The following PLD5 variants were observed in gnomAD, a reference collection of about 807,000 sequenced individuals.
PLD5 encodes phospholipase D family member 5.
Under a neutral mutation model 61.1 loss-of-function variants are expected in PLD5, and 36 were observed. The ratio of observed to expected loss-of-function variants is 0.59; its 90% CI spans 0.45 to 0.78. The LOEUF (loss-of-function observed/expected upper bound fraction) is 0.78, where lower values mean the gene tolerates loss of function less well. Among genes scored for constraint, PLD5 ranks in the 30% least tolerant of loss-of-function variants. The probability of loss-of-function intolerance (pLI) is 0.00; values close to 1 mark genes in which losing one functional copy is unlikely to be tolerated. For missense variants in PLD5, 515 were observed against 644.4 expected, an observed-to-expected ratio of 0.80 and a Z score of 2.17; for synonymous variants, 243 against 242.8, an observed-to-expected ratio of 1.00 and a Z score of -0.01.
intron 1 of PLD5, among the ~76,000 whole-genome samples, chr1:242,499,701 T>A (rs1038283419): frequency 3.3e-5 from 5 of 152,210 alleles, no homozygotes; most frequent in African/African-American, 1.2e-4. Context: ...CAGTTACCCA[T>A]AGCTGTCGAA....
In PLD5 at chr1:242,318,606, T is replaced by A. The variant is rs573696567; in HGVS notation, c.326+29500A>T. On this transcript the variant is annotated intron_variant, in intron 2 of 9. Transcript: ENST00000536534. Reference sequence around the variant, plus strand: ...ATGCCTGCCAAAGGGAAATGTCAAGTGTGCTGGTCAAGAAAAAGGATTTTA... The same window carrying A: ...ATGCCTGCCAAAGGGAAATGTCAAGAGTGCTGGTCAAGAAAAAGGATTTTA... 7.0e-4 allele frequency among the ~76,000 whole-genome samples: 107 copies of A among 152,210 alleles called. 2 individuals carry two copies. The highest frequency in any genetic ancestry group is 6.5e-3 in the Admixed American group (100 of 15,282).
chr1:242,522,040 T>C (rs1475959633), intron 1 of PLD5, among the ~76,000 whole-genome samples: 14 of 152,214 alleles, frequency 9.2e-5, no homozygotes, highest in African/African-American at 2.4e-5. Context: ...ATTAAAAATG[T>C]TCGTGATGTT....
At chr1:242,527,162 G>A (rs1348182866), upstream of PLD5, among the ~76,000 whole-genome samples, 1 of 92,462 alleles carries the variant, frequency 1.1e-5, no homozygotes, top group African/African-American at 4.2e-5. Flanking sequence ...ATGGAGTCTT[G>A]CTCTCTCACC....
At chr1:242,307,089 T>C (rs1558449424) in intron 2 of PLD5, among the ~76,000 whole-genome samples, 1 of 152,202 alleles carries the variant, frequency 6.6e-6, no homozygotes. Context: ...AACCTCTGTC[T>C]GCTAACTGTG....
At chr1:242,144,929 T>C (rs1447551494) in intron 5 of PLD5, among the ~76,000 whole-genome samples, 1 of 152,160 alleles carries the variant, frequency 6.6e-6, no homozygotes, top group Non-Finnish European at 1.5e-5. Context: ...AACAGTGATA[T>C]GAATATTAAT....
At position 242,089,928 on chromosome 1, in the gene PLD5, G is replaced by A. The variant is rs991369111; in HGVS notation, c.1537C>T (p.Leu513=). 1 of 1,614,212 alleles carries A rather than the reference G, an allele frequency of 6.2e-7. No individual in the cohort carries two copies. The highest frequency in any genetic ancestry group is 2.2e-5 in the East Asian group (1 of 44,882). ...QPTKQPNCSS[L]FKLKPLSNKT... ...TTGGAGAGGGGTTTGAGTTTGAACA[G>A]GCTTGAGCAGTTCGGCTGTTTGGTT... The change falls in exon 10 of 10, where the codon CTG becomes TTG. Residue 513 remains leucine, a synonymous_variant. Coordinates refer to ENST00000536534, the MANE Select transcript of PLD5 (RefSeq NM_001372062.1).
In PLD5 at chr1:242,288,327, G is replaced by A. The variant is rs1317395471; in HGVS notation, c.495+35C>T. On this transcript the variant is annotated intron_variant, in intron 3 of 9. Coordinates refer to ENST00000536534, the MANE Select transcript of PLD5 (RefSeq NM_001372062.1). ...ACTAAGGAGTGGAAAATGCACATAAGTAAAATCATCACACACACAGAGGAT... is the reference window on the plus strand; with the variant it reads ...ACTAAGGAGTGGAAAATGCACATAAATAAAATCATCACACACACAGAGGAT... The A allele has an allele frequency of 2.5e-6, 4 of 1,589,102 alleles. No individual in the cohort carries two copies. In the Admixed American group the frequency reaches 6.0e-5, roughly 24 times the overall value.
intron 5 of PLD5, among the ~76,000 whole-genome samples, chr1:242,212,424 T>C (rs1669887809): frequency 6.6e-6 from 1 of 152,140 alleles, no homozygotes; most frequent in Non-Finnish European, 1.5e-5. Flanking sequence ...ATGCGAGCGG[T>C]GGGCAGAAGG....
At chr1:242,302,373 A>G (rs1676105378) in intron 2 of PLD5, among the ~76,000 whole-genome samples, 1 of 152,118 alleles carries the variant, frequency 6.6e-6, no homozygotes, top group Non-Finnish European at 1.5e-5. Flanking sequence ...ATGTATTGTT[A>G]TTTACTGAAG....
At chr1:242,420,924 A>T (rs1176833347) in intron 1 of PLD5, among the ~76,000 whole-genome samples, 2 of 152,162 alleles carry the variant, frequency 1.3e-5, no homozygotes, top group Non-Finnish European at 2.9e-5. Context: ...CACGCCTGTA[A>T]TCCCTTTGGG....
At chr1:242,267,873 C>G (rs1346960123) in intron 3 of PLD5, among the ~76,000 whole-genome samples, 1 of 146,540 alleles carries the variant, frequency 6.8e-6, no homozygotes, top group East Asian at 2.1e-4. Flanking sequence ...ACAGCTAGAC[C>G]CCATCTCCAA....
intron 1 of PLD5, among the ~76,000 whole-genome samples, chr1:242,393,926 G>A (rs996458780): frequency 6.9e-6 from 1 of 144,748 alleles, no homozygotes; most frequent in Non-Finnish European, 1.5e-5. Context: ...TGGGTGTGGG[G>A]GTGCGTGCCT....
intron 5 of PLD5, among the ~76,000 whole-genome samples, chr1:242,174,317 A>C (rs1666972231): frequency 6.6e-6 from 1 of 152,266 alleles, no homozygotes; most frequent in South Asian, 2.1e-4. Context: ...ATCACTGGCC[A>C]TCAGAGAATT....
chr1:242,258,359 A>G (rs1574625090), intron 4 of PLD5, among the ~76,000 whole-genome samples: 1 of 152,108 alleles, frequency 6.6e-6, no homozygotes, highest in East Asian at 1.9e-4. Flanking sequence ...TTTAGAATCT[A>G]CCTCTCTCAG....
At chr1:242,435,437 G>A (rs2102896867) in intron 1 of PLD5, among the ~76,000 whole-genome samples, 1 of 149,424 alleles carries the variant, frequency 6.7e-6, no homozygotes, top group East Asian at 1.9e-4. Flanking sequence ...TGTTTAAAAT[G>A]CCCCCCAGGT....
chr1:242,169,310 T>C (rs1243426117), intron 5 of PLD5, among the ~76,000 whole-genome samples: 2 of 151,958 alleles, frequency 1.3e-5, no homozygotes, highest in African/African-American at 4.8e-5. Context: ...TAGGGTGGGG[T>C]GTCACCTCAC....
intron 1 of PLD5, among the ~76,000 whole-genome samples, chr1:242,456,178 A>C (rs1666938961): frequency 6.6e-6 from 1 of 152,224 alleles, no homozygotes; most frequent in African/African-American, 2.4e-5. Flanking sequence ...TCCGCCTTGC[A>C]ATCAAAAGCA....
intron 4 of PLD5, among the ~76,000 whole-genome samples, chr1:242,241,899 A>ATATACTTACTGTATATATATATATGCT (rs1672049285): frequency 2.3e-5 from 1 of 44,330 alleles, no homozygotes; most frequent in African/African-American, 9.3e-5. Flanking sequence ...ATATATATAT[A>ATATACTTACTGTATATATATATATGCT]TATATATATA....
intron 5 of PLD5, among the ~76,000 whole-genome samples, chr1:242,179,674 G>A (rs1052429983): frequency 4.6e-5 from 7 of 152,218 alleles, no homozygotes; most frequent in East Asian, 3.9e-4. Flanking sequence ...AGGCCGAGGC[G>A]GGCAGATCAC....
Sources: gnomAD v4.1 joint callset for allele counts (sites outside exome capture counted in the v4.1 genomes callset) on GRCh38, gnomAD v4.1.1 for gene constraint, MANE v1.5 for transcripts, NCBI Gene and HGNC (gene_info 2026-07-23, HGNC 2026-07-21) for gene names.